UBE2D3: variants seen among roughly 807,000 people sequenced by gnomAD.
UBE2D3 encodes ubiquitin conjugating enzyme E2 D3.
In UBE2D3, 2 loss-of-function variants were observed where a neutral mutation model predicts 22.8. The ratio of observed to expected loss-of-function variants is 0.09; its 90% CI spans 0.04 to 0.28. The LOEUF is 0.28. Ranked by LOEUF, UBE2D3 falls within the 10% of genes least tolerant of loss-of-function variation. The probability of loss-of-function intolerance (pLI) is 1.00; values close to 1 mark genes in which losing one functional copy is unlikely to be tolerated. For synonymous variants in UBE2D3, 56 were observed against 60.4 expected (o/e 0.93, Z 0.34); for missense variants, 27 against 182.5 (o/e 0.15, Z 4.91).
upstream of UBE2D3, among the ~76,000 whole-genome samples, chr4:102,829,729 G>T (rs946965926): frequency 1.3e-5 from 2 of 152,186 alleles, no homozygotes; most frequent in Admixed American, 6.5e-5. Flanking sequence ...TATGAGATCA[G>T]GAGTTCGAGA....
chr4:102,807,311 G>C (rs1727220703), intron 4 of UBE2D3, among the ~76,000 whole-genome samples: 1 of 152,158 alleles, frequency 6.6e-6, no homozygotes, highest in African/African-American at 2.4e-5. Context: ...GAAGCCAAAA[G>C]AACAAAATGA....
intron 1 of UBE2D3, chr4:102,868,692 A>G: frequency 6.2e-7 from 1 of 1,613,904 alleles, no homozygotes; most frequent in Non-Finnish European, 8.5e-7. Flanking sequence ...GAGGGGACGA[A>G]GTAGAGACAG....
chr4:102,797,537 T>C, intron 7 of UBE2D3, 77 bp from the exon 8 acceptor site: 1 of 1,222,912 alleles, frequency 8.2e-7, no homozygotes, highest in Non-Finnish European at 1.2e-6. Context: ...AAGATTTCCA[T>C]TTTATCATCT....
intron 1 of UBE2D3, among the ~76,000 whole-genome samples, chr4:102,865,945 A>G (rs1330806288): frequency 2.0e-5 from 3 of 152,228 alleles, no homozygotes; most frequent in African/African-American, 7.2e-5. Flanking sequence ...GATGGAGTCT[A>G]AAAACACTAT....
chr4:102,827,543 G>A lies in UBE2D3; in HGVS notation c.-245C>T, dbSNP rs937316401. 251 of 986,322 alleles carry A rather than the reference G, an allele frequency of 2.5e-4. No individual in the cohort carries two copies. Among genetic ancestry groups the A allele is most frequent in the Non-Finnish European group, 2.9e-4 (240 of 830,414 alleles). 61.1% of individuals were successfully genotyped at this position (986,322 alleles called of 1,614,324 possible). A position where few individuals can be genotyped will look rare whatever the true frequency, so the allele number is the denominator to read the frequency against. ...GACACAGCCACAAGATGTCCGCTCTGACGGAACTACTGCCAGCTGCCACGC... is the reference window on the plus strand; with the variant it reads ...GACACAGCCACAAGATGTCCGCTCTAACGGAACTACTGCCAGCTGCCACGC... On this transcript the variant is annotated 5_prime_UTR_variant, in exon 1 of 8. Transcript: ENST00000453744.
chr4:102,804,392 A>G (rs1726694202), intron 4 of UBE2D3, among the ~76,000 whole-genome samples: 1 of 151,924 alleles, frequency 6.6e-6, no homozygotes, highest in Non-Finnish European at 1.5e-5. Flanking sequence ...TCCTGACCCC[A>G]GGTGATCCGC....
chr4:102,863,964 G>T (rs1024326571), intron 1 of UBE2D3, among the ~76,000 whole-genome samples: 4 of 151,978 alleles, frequency 2.6e-5, no homozygotes, highest in Non-Finnish European at 4.4e-5. Context: ...TGATCATGTA[G>T]ATCTAGACCA....
chr4:102,820,950 G>T (rs1426190872), intron 2 of UBE2D3, among the ~76,000 whole-genome samples: 1 of 152,128 alleles, frequency 6.6e-6, no homozygotes, highest in Non-Finnish European at 1.5e-5. Flanking sequence ...TTTTACAATA[G>T]ATTATGTTGA....
At chr4:102,855,985 G>C (rs1452018733) in intron 1 of UBE2D3, among the ~76,000 whole-genome samples, 4 of 152,144 alleles carry the variant, frequency 2.6e-5, no homozygotes, top group African/African-American at 9.7e-5. Context: ...AAGATGCAGG[G>C]TTGCGGTGAG....
At chr4:102,811,934 T>C (rs1233192729) in intron 2 of UBE2D3, 1 of 216,208 alleles carries the variant, frequency 4.6e-6, no homozygotes, top group African/African-American at 2.4e-5. Context: ...ACTAAAAACA[T>C]TAATCTTCTT....
chr4:102,812,972 A>G (rs1345163836), intron 2 of UBE2D3: 2 of 152,226 alleles, frequency 1.3e-5, no homozygotes, highest in Admixed American at 1.3e-4. Flanking sequence ...AAGATTAAGT[A>G]AGACTATTAG....
At chr4:102,822,796 G>A (rs2110324123) in intron 2 of UBE2D3, among the ~76,000 whole-genome samples, 1 of 36,152 alleles carries the variant, frequency 2.8e-5, no homozygotes, top group South Asian at 6.9e-4. Flanking sequence ...ATTAGCCGGG[G>A]GTGGTGGTGG....
intron 2 of UBE2D3, among the ~76,000 whole-genome samples, chr4:102,820,663 C>A (rs937356325): frequency 1.3e-5 from 2 of 152,022 alleles, no homozygotes; most frequent in Admixed American, 1.3e-4. Context: ...GGCAAAGAAA[C>A]CCAAATTTAG....
intron 2 of UBE2D3, among the ~76,000 whole-genome samples, chr4:102,818,436 T>C (rs995648866): frequency 5.3e-5 from 8 of 152,122 alleles, no homozygotes; most frequent in African/African-American, 1.7e-4. Flanking sequence ...AAAAAACCTA[T>C]AGGAAAAGAA....
intron 1 of UBE2D3, 42 bp from the exon 2 acceptor site, chr4:102,826,678 G>C: frequency 6.6e-7 from 1 of 1,505,500 alleles, no homozygotes. Context: ...CACAGGCCCC[G>C]AAGAGCCCCT....
At chr4:102,825,963 A>T (rs1730402095) in intron 2 of UBE2D3, 1 of 320,716 alleles carries the variant, frequency 3.1e-6, no homozygotes, top group Non-Finnish European at 6.2e-6. Flanking sequence ...TACTAGACTC[A>T]CTGACTGACC....
intron 7 of UBE2D3, among the ~76,000 whole-genome samples, chr4:102,797,704 G>T (rs1456113637): frequency 6.6e-6 from 1 of 151,836 alleles, no homozygotes; most frequent in African/African-American, 2.4e-5. Context: ...CTGAAAATTG[G>T]GAGGCTAACA....
chr4:102,851,209 C>T (rs1353317540), intron 1 of UBE2D3, among the ~76,000 whole-genome samples: 2 of 152,202 alleles, frequency 1.3e-5, no homozygotes, highest in Non-Finnish European at 2.9e-5. Flanking sequence ...CCATCAAAGG[C>T]TTTATTTCCT....
intron 2 of UBE2D3, chr4:102,810,370 C>CCTT (rs1727758884): frequency 7.3e-6 from 1 of 136,822 alleles, no homozygotes; most frequent in Non-Finnish European, 1.5e-5. Flanking sequence ...TCAACTCAAC[C>CCTT]TTTTTTTTTT....
Sources: gnomAD v4.1 joint callset for allele counts (sites outside exome capture counted in the v4.1 genomes callset) on GRCh38, gnomAD v4.1.1 for gene constraint, MANE v1.5 for transcripts, NCBI Gene and HGNC (gene_info 2026-07-23, HGNC 2026-07-21) for gene names.